BPIFA3: variants seen among roughly 807,000 people sequenced by gnomAD.
BPIFA3 encodes BPI fold-containing family A member 3.
In BPIFA3, 32 loss-of-function variants were observed where a neutral mutation model predicts 29.7. That is an observed-to-expected ratio of 1.08 (90% confidence interval 0.81 to 1.45). The LOEUF is 1.45. BPIFA3 is among the 40% of genes most tolerant of loss of function. The pLI, the probability that BPIFA3 is intolerant of heterozygous loss-of-function variation, is 0.00. For missense variants in BPIFA3, 323 were observed against 311.3 expected, an observed-to-expected ratio of 1.04 and a Z score of -0.28; for synonymous variants, 112 against 113.7, an observed-to-expected ratio of 0.98 and a Z score of 0.10.
intron 1 of BPIFA3, among the ~76,000 whole-genome samples, chr20:33,219,556 A>C (rs1211286961): frequency 6.6e-6 from 1 of 152,158 alleles, no homozygotes; most frequent in Admixed American, 6.5e-5. Flanking sequence ...TCTGGAGGCT[A>C]TCTTTATGTA....
chr20:33,227,423 CG>C, intron 6 of BPIFA3, 114 bp from the exon 7 acceptor site: 1 of 839,064 alleles, frequency 1.2e-6, no homozygotes, highest in East Asian at 2.4e-5. Flanking sequence ...AGGGTTTTCA[CG>C]TGAACGCTCC....
intron 1 of BPIFA3, 54 bp downstream of exon 1, chr20:33,217,717 G>A: frequency 6.4e-7 from 1 of 1,565,746 alleles, no homozygotes; most frequent in Non-Finnish European, 8.6e-7. Flanking sequence ...GAGGTGGGAA[G>A]GTGCCATCTG....
In BPIFA3 at chr20:33,225,233, G is replaced by C. The variant is rs539560503; in HGVS notation, c.522G>C (p.Val174=). The change falls in exon 4 of 7, where the codon GTG becomes GTC. Residue 174 remains valine (V), a synonymous_variant. Coordinates refer to ENST00000375454, the MANE Select transcript of BPIFA3 (RefSeq NM_178466.5). ...KCDAEPSSVH[V]AILTEAIPPK... ...ATGCAGAGCCCAGCAGTGTCCATGT[G>C]GCCATCCTCACTGAGTAAGACCCCA... 6.2e-7 allele frequency: 1 copy of C among 1,613,820 alleles called. No homozygotes were observed. The highest frequency in any genetic ancestry group is 8.5e-7 in the Non-Finnish European group (1 of 1,180,020).
At chr20:33,227,479 C>A in intron 6 of BPIFA3, 59 bp from the exon 7 acceptor site, 1 of 1,403,196 alleles carries the variant, frequency 7.1e-7, no homozygotes, top group Non-Finnish European at 1.0e-6. Flanking sequence ...GGTTTCCCTT[C>A]GGTGTGGGAG....
At chr20:33,227,457 T>G in intron 6 of BPIFA3, 81 bp from the exon 7 acceptor site, 1 of 1,203,142 alleles carries the variant, frequency 8.3e-7, no homozygotes, top group South Asian at 1.2e-5. Flanking sequence ...TTGGTCACCA[T>G]GGATGGATGA....
intron 1 of BPIFA3, among the ~76,000 whole-genome samples, chr20:33,218,091 C>T (rs1426109788): frequency 6.6e-6 from 1 of 152,212 alleles, no homozygotes; most frequent in African/African-American, 2.4e-5. Flanking sequence ...CTGTTGACAT[C>T]TATGTTGCTT....
At chr20:33,226,144 C>T (rs1985767907) in intron 4 of BPIFA3, 1 of 384,658 alleles carries the variant, frequency 2.6e-6, no homozygotes, top group Non-Finnish European at 4.6e-6. Context: ...TTGTACCAGA[C>T]ATTCATGGGA....
At position 33,217,559 on chromosome 20, in the gene BPIFA3, T is replaced by C. The variant is rs1410114537; in HGVS notation, c.23T>C (p.Leu8Pro). The part of the protein sequence containing the change: MMCPLWR[L>P]LIFLGLLALP... ...CCTATGATGTGTCCACTCTGGAGGC[T>C]CCTCATCTTCCTCGGGTTGCTGGCC... The change falls in exon 1 of 7, where the codon CTC (leucine) becomes CCC (proline). Residue 8 changes from leucine to proline, a missense_variant. Leu to Pro is a moderately conservative substitution (Grantham distance 98). Coordinates refer to ENST00000375454, the MANE Select transcript of BPIFA3 (RefSeq NM_178466.5). 6.2e-7 allele frequency: 1 copy of C among 1,614,160 alleles called. No homozygotes were observed. Among genetic ancestry groups the C allele is most frequent in the Non-Finnish European group, 8.5e-7 (1 of 1,180,000 alleles).
At chr20:33,217,743 C>A in intron 1 of BPIFA3, 80 bp downstream of exon 1, 1 of 1,495,258 alleles carries the variant, frequency 6.7e-7, no homozygotes, top group South Asian at 1.3e-5. Context: ...CACTGCTAAC[C>A]CGCTGGGTGA....
At chr20:33,218,387 C>G (rs1985358840) in intron 1 of BPIFA3, among the ~76,000 whole-genome samples, 2 of 152,212 alleles carry the variant, frequency 1.3e-5, no homozygotes, top group African/African-American at 4.8e-5. Flanking sequence ...AAGAAATGAG[C>G]ATACCTGTCT....
chr20:33,226,966 G>A lies in BPIFA3; in HGVS notation c.658G>A (p.Asp220Asn), dbSNP rs766784394. 10 of 1,614,126 alleles carry A rather than the reference G, an allele frequency of 6.2e-6. No individual in the cohort carries two copies. Among genetic ancestry groups the A allele is most frequent in the African/African-American group, 1.3e-5 (1 of 75,048 alleles). The change falls in exon 6 of 7, where the codon GAT becomes AAT. Residue 220 changes from aspartate to asparagine, a missense_variant. By Grantham distance (23) the Asp-to-Asn change is conservative (BLOSUM62 1). Coordinates refer to ENST00000375454, the MANE Select transcript of BPIFA3 (RefSeq NM_178466.5). ...GATCGGTGAAATCCTCGGGCAGCTG[G>A]ATGTGAAACTGTTGAAAAGCCTCAT... is the stretch of plus-strand genomic sequence containing the variant. ...PLIGEILGQL[D>N]VKLLKSLIEQ...
At chr20:33,217,736 T>A (rs1985332288) in intron 1 of BPIFA3, 73 bp downstream of exon 1, 1 of 1,522,954 alleles carries the variant, frequency 6.6e-7, no homozygotes, top group African/African-American at 1.4e-5. Flanking sequence ...TGGGCTCCAC[T>A]GCTAACCCGC....
Position 33,227,731 on chromosome 20 carries a change from C to T in BPIFA3, c.*114C>T, listed in dbSNP as rs1978372871. The stretch of plus-strand genomic sequence containing the variant: ...GGCTCTGTGGACATACCATCCTCTC[C>T]TACAATAAACTCTAGCTCTGAAGGG... On this transcript the variant is annotated 3_prime_UTR_variant, in exon 7 of 7. Transcript: ENST00000375454. 2 of 825,820 alleles carry T rather than the reference C, an allele frequency of 2.4e-6. No homozygotes were observed. The highest frequency in any genetic ancestry group is 2.6e-5 in the East Asian group (1 of 37,812). The allele number at this position is 825,820 out of a possible 1,614,324, so 51.2% of individuals were successfully genotyped here. A position where few individuals can be genotyped will look rare whatever the true frequency, so the allele number is the denominator to read the frequency against.
chr20:33,226,944 C>G lies in BPIFA3; in HGVS notation c.636C>G (p.Ile212Met), dbSNP rs777533373. 2 of 1,613,962 alleles carry G rather than the reference C, an allele frequency of 1.2e-6. No individual in the cohort carries two copies. Among genetic ancestry groups the G allele is most frequent in the Non-Finnish European group, 1.7e-6 (2 of 1,180,016 alleles). The stretch of plus-strand genomic sequence containing the variant: ...TGATGGTCCAGGTATGTCCTCTGAT[C>G]GGTGAAATCCTCGGGCAGCTGGATG... ...HMVESQVCPL[I>M]GEILGQLDVK... The change falls in exon 6 of 7, where the codon ATC (isoleucine) becomes ATG (methionine). Residue 212 changes from isoleucine to methionine, a missense_variant. By Grantham distance (10) the Ile-to-Met change is conservative. Coordinates refer to ENST00000375454, the MANE Select transcript of BPIFA3 (RefSeq NM_178466.5).
intron 1 of BPIFA3, among the ~76,000 whole-genome samples, chr20:33,218,366 C>T (rs968383693): frequency 6.6e-6 from 1 of 152,310 alleles, no homozygotes; most frequent in Non-Finnish European, 1.5e-5. Flanking sequence ...GTGGTCTACA[C>T]GTGCTCCAGT....
intron 6 of BPIFA3, 137 bp from the exon 7 acceptor site, chr20:33,227,401 C>A: frequency 2.9e-6 from 2 of 701,014 alleles, no homozygotes; most frequent in Middle Eastern, 3.0e-4. Flanking sequence ...AACAATTCAG[C>A]ATCATTTGGG....
chr20:33,223,861 A>C lies in BPIFA3; in HGVS notation c.178A>C (p.Ile60Leu). 1 of 1,614,182 alleles carries C rather than the reference A, an allele frequency of 6.2e-7. No individual in the cohort carries two copies. The highest frequency in any genetic ancestry group is 8.5e-7 in the Non-Finnish European group (1 of 1,179,998). ...CAACGCAGAAAGCCGAATTCAGAACATCCACTTTGGGGACAGACTGAATGC... is the reference window on the plus strand; with the variant it reads ...CAACGCAGAAAGCCGAATTCAGAACCTCCACTTTGGGGACAGACTGAATGC... ...KHNAESRIQN[I>L]HFGDRLNASA... Residue 60 changes from isoleucine to leucine, a missense_variant, in exon 2 of 7, where the codon ATC becomes CTC. Transcript: ENST00000375454.
chr20:33,225,043 A>G, intron 3 of BPIFA3, 55 bp from the exon 4 acceptor site: 1 of 1,548,594 alleles, frequency 6.5e-7, no homozygotes, highest in Non-Finnish European at 8.9e-7. Flanking sequence ...GGAGATTTCT[A>G]CTCTTTCTCT....
chr20:33,226,895 C>G (rs909159729), intron 5 of BPIFA3, 35 bp from the exon 6 acceptor site: 1 of 1,614,032 alleles, frequency 6.2e-7, no homozygotes, highest in Non-Finnish European at 8.5e-7. Flanking sequence ...TTTCCAGCCC[C>G]TGGCCTGATC....
Sources: allele counts gnomAD v4.1 joint callset (sites outside exome capture counted in the v4.1 genomes callset), GRCh38; gene constraint gnomAD v4.1.1; transcripts MANE v1.5; gene names NCBI Gene and HGNC (gene_info 2026-07-23, HGNC 2026-07-21).